Variants in FRMD8 observed in about 807,000 individuals in gnomAD.
FRMD8 encodes the protein FERM domain containing 8.
FRMD8 carries 37 observed loss-of-function variants against 54.2 expected under a neutral mutation model. That is an observed-to-expected ratio of 0.68 (90% CI 0.53 to 0.90). The LOEUF (loss-of-function observed/expected upper bound fraction) is 0.90. FRMD8 is among the 40% of genes least tolerant of loss of function. The pLI is 0.00. For synonymous variants in FRMD8, 246 were observed against 286.9 expected (o/e 0.86, Z 1.44); for missense variants, 585 against 653.7 (o/e 0.89, Z 1.15).
chr11:65,398,887 C>T (rs1445509522), intron 7 of FRMD8, among the ~76,000 whole-genome samples: 1 of 151,646 alleles, frequency 6.6e-6, no homozygotes, highest in Non-Finnish European at 1.5e-5. Context: ...GTGGAGAGAG[C>T]GGGGTTTAAC....
At position 65,411,497 on chromosome 11, in the gene FRMD8, G is replaced by A. The variant is rs1162387312; in HGVS notation, c.*137G>A. The A allele has an allele frequency of 1.4e-5, 8 of 584,026 alleles. No individual in the cohort carries two copies. The highest frequency in any genetic ancestry group is 6.9e-5 in the Admixed American group (2 of 28,860). The allele number at this position is 584,026 out of a possible 1,614,324, so 36.2% of individuals were successfully genotyped here. ...TGCCTCAGCAGGTTTCTCAGACCAC[G>A]GAGAAGTGACTTTTGGGCCCGGGGC... On this transcript the variant is annotated 3_prime_UTR_variant, in exon 11 of 11. Transcript: ENST00000317568.
rs1399657710 is a variant in FRMD8 at position 65,388,781 on chromosome 11, A to C, written c.86-580A>C. On this transcript the variant is annotated intron_variant, in intron 2 of 10. Transcript: ENST00000317568. The stretch of plus-strand genomic sequence containing the variant: ...AGTCCCAAGGAAGCTGAGACCTGGA[A>C]CTTGCTTTAACCTGGGTGACCTAAA... 3.3e-5 allele frequency among the ~76,000 whole-genome samples: 5 copies of C among 152,292 alleles called. No homozygotes were observed. The East Asian group carries it at 9.6e-4, about 29-fold the overall frequency.
chr11:65,391,035 G>C (rs1482713627), intron 3 of FRMD8, among the ~76,000 whole-genome samples: 2 of 152,264 alleles, frequency 1.3e-5, no homozygotes, highest in Non-Finnish European at 2.9e-5. Context: ...CCCGGCCCCT[G>C]CACCCCTGAT....
upstream of FRMD8, among the ~76,000 whole-genome samples, chr11:65,386,102 G>A (rs1444542339): frequency 1.3e-5 from 2 of 152,174 alleles, no homozygotes; most frequent in Non-Finnish European, 2.9e-5. Flanking sequence ...GGCCGACATA[G>A]ACATATATTA....
chr11:65,380,450 G>A, the FRMD8 span: 10 of 1,128,474 alleles, frequency 8.9e-6, no homozygotes, highest in South Asian at 7.3e-5. Flanking sequence ...AGCCAAAGAC[G>A]TACGTGTCCT....
At chr11:65,401,213 T>C (rs970043483) in intron 9 of FRMD8, among the ~76,000 whole-genome samples, 1 of 152,042 alleles carries the variant, frequency 6.6e-6, no homozygotes, top group Non-Finnish European at 1.5e-5. Context: ...TCACCTGCGG[T>C]GGGCGTGGAA....
rs956256003 is a variant in FRMD8, at chr11:65,397,030, A to G, written c.803+10A>G. The G allele has an allele frequency of 1.4e-6, 2 of 1,414,228 alleles. No individual in the cohort carries two copies. The highest frequency in any genetic ancestry group is 1.9e-6 in the Non-Finnish European group (2 of 1,067,862). The allele number at this position is 1,414,228 out of a possible 1,614,324, so 87.6% of individuals were successfully genotyped here. ...AGCTGCCGTTTTATGGGTAAGAGCC[A>G]CAGCCCCGCGGTCCCCCACCCCCTC... On this transcript the variant is annotated intron_variant, in intron 7 of 10. Transcript: ENST00000317568.
rs546324205 is a variant in FRMD8, at chr11:65,390,568, C to A, written c.253+1040C>A. Among the ~76,000 whole-genome samples, 116 of 152,108 alleles carry A rather than the reference C, an allele frequency of 7.6e-4. 1 individual carries two copies. Among genetic ancestry groups the A allele is most frequent in the African/African-American group, 2.7e-3 (114 of 41,502 alleles). ...TCATCCTTCTCTCCACCCCCTCCCC[C>A]CTGCCAGTAGGAGCTTCCTGCTCAG... On this transcript the variant is annotated intron_variant, in intron 3 of 10. Transcript: ENST00000317568.
Position 65,404,748 on chromosome 11 carries a change from A to G in FRMD8, c.1072-116A>G. On this transcript the variant is annotated intron_variant, in intron 9 of 10. Coordinates refer to ENST00000317568, the MANE Select transcript of FRMD8 (RefSeq NM_031904.5). This position sits in a 1 kb window ranked among gnomAD's most constrained non-coding sequence, Gnocchi z 4.7. ...CTGCCTCCCTGCTCCCTCCCTCCTG[A>G]GTGATGTGTGTCCCCTCCCCTGCTT... The G allele has an allele frequency of 1.2e-6, 1 of 813,226 alleles. No homozygotes were observed. The highest frequency in any genetic ancestry group is 1.7e-5 in the South Asian group (1 of 58,776). 50.4% of individuals were successfully genotyped at this position (813,226 alleles called of 1,614,324 possible).
At chr11:65,397,437 A>G (rs1404301513) in intron 7 of FRMD8, among the ~76,000 whole-genome samples, 1 of 152,194 alleles carries the variant, frequency 6.6e-6, no homozygotes, top group East Asian at 1.9e-4. Flanking sequence ...AGAGACGAGA[A>G]CACAGAGGTT....
upstream of FRMD8, chr11:65,382,208 C>T (rs1003761008): frequency 2.0e-5 from 11 of 549,530 alleles, no homozygotes; most frequent in African/African-American, 1.5e-4. This position sits in a 1 kb window ranked among gnomAD's most constrained non-coding sequence, Gnocchi z 4.4. Context: ...GGCCCTGATC[C>T]CCGAGCCCGG....
intron 10 of FRMD8, 24 bp downstream of exon 10, chr11:65,405,092 GCACA>G (rs1291399328): frequency 6.2e-7 from 1 of 1,609,406 alleles, no homozygotes; most frequent in African/African-American, 1.3e-5. Flanking sequence ...CTGTGCATGT[GCACA>G]CACAAACACG....
At chr11:65,376,098 G>A in the FRMD8 span, 1 of 305,184 alleles carries the variant, frequency 3.3e-6, no homozygotes, top group Non-Finnish European at 6.1e-6. Flanking sequence ...AAAAAGAGGT[G>A]AAGGCACAGG....
At chr11:65,386,303 G>C (rs559884547), upstream of FRMD8, among the ~76,000 whole-genome samples, 1 of 152,278 alleles carries the variant, frequency 6.6e-6, no homozygotes, top group South Asian at 2.1e-4. Flanking sequence ...TGGATCCCTG[G>C]CACGTGCCAG....
At chr11:65,377,215 C>T in the FRMD8 span, 74 of 1,441,924 alleles carry the variant, frequency 5.1e-5, no homozygotes, top group African/African-American at 7.3e-4. Context: ...CAGCCTCTCA[C>T]GTGCATGTGT....
the FRMD8 span, chr11:65,378,074 T>C: frequency 0.015 from 2,306 of 152,192 alleles, 39 homozygotes; most frequent in Non-Finnish European, 0.025. Flanking sequence ...TACCATCCCT[T>C]GGGAGATGGG....
chr11:65,380,668 C>G, the FRMD8 span: 1 of 1,188,534 alleles, frequency 8.4e-7, no homozygotes, highest in Non-Finnish European at 1.1e-6. Context: ...TGCAGAGGAG[C>G]TTCTCCCCTC....
At position 65,399,721 on chromosome 11, in the gene FRMD8, C is replaced by G. The variant is rs1856028992; in HGVS notation, c.804-15C>G. 3.7e-6 allele frequency: 6 copies of G among 1,613,436 alleles called. No individual in the cohort carries two copies. The highest frequency in any genetic ancestry group is 5.1e-6 in the Non-Finnish European group (6 of 1,179,706). ...TCTGGTGCTGGCCGGAGGCTGACCC[C>G]AGTCCCCTCCCCAGGTGTGCCTTCT... is the stretch of plus-strand genomic sequence containing the variant. On this transcript the variant is annotated splice_polypyrimidine_tract_variant and intron_variant, in intron 7 of 10. Coordinates refer to ENST00000317568, the MANE Select transcript of FRMD8 (RefSeq NM_031904.5).
intron 6 of FRMD8, among the ~76,000 whole-genome samples, chr11:65,394,665 T>C (rs1226127854): frequency 6.6e-6 from 1 of 152,170 alleles, no homozygotes; most frequent in Non-Finnish European, 1.5e-5. Context: ...TCTGGAGCCC[T>C]GCCTCCTGCC....
Sources: gnomAD v4.1 joint callset for allele counts (sites outside exome capture counted in the v4.1 genomes callset) on GRCh38, gnomAD v4.1.1 for gene constraint, Gnocchi (gnomAD v3.1) non-coding constraint, MANE v1.5 for transcripts, NCBI Gene and HGNC (gene_info 2026-07-23, HGNC 2026-07-21) for gene names.